The following GASK1A variants were observed in gnomAD, a reference collection of about 807,000 sequenced individuals.
The protein encoded by GASK1A is golgi associated kinase 1A, also known as Golgi-associated kinase 1A.
Under a neutral mutation model 41.2 loss-of-function variants are expected in GASK1A, and 40 were observed. The ratio of observed to expected loss-of-function variants is 0.97; its 90% CI spans 0.75 to 1.27. The LOEUF is 1.27. Among genes scored for constraint, GASK1A ranks in the 50% most tolerant of loss-of-function variants. The pLI, the probability that GASK1A is intolerant of heterozygous loss-of-function variation, is 0.00. For missense variants in GASK1A, 678 were observed against 745.1 expected (o/e 0.91, Z 1.05); for synonymous variants, 316 against 307.1 (o/e 1.03, Z -0.30).
intron 2 of GASK1A, among the ~76,000 whole-genome samples, chr3:43,040,970 C>T (rs559213387): frequency 2.7e-5 from 4 of 150,416 alleles, no homozygotes; most frequent in East Asian, 2.0e-4. Context: ...TGAGAATATG[C>T]GGTGTTTGGT....
chr3:43,037,148 T>A, intron 2 of GASK1A: 1 of 1,018,674 alleles, frequency 9.8e-7, no homozygotes, highest in South Asian at 1.4e-5. Flanking sequence ...AGGGCAGACC[T>A]CCTTATGCTG....
chr3:42,991,669 G>A (rs1261294385), intron 1 of GASK1A, among the ~76,000 whole-genome samples: 1 of 152,232 alleles, frequency 6.6e-6, no homozygotes, highest in African/African-American at 2.4e-5. Flanking sequence ...GCCCAGCGGA[G>A]GTGGAGGCTG....
intron 1 of GASK1A, among the ~76,000 whole-genome samples, chr3:43,030,473 T>A (rs998950774): frequency 2.8e-4 from 43 of 152,246 alleles, no homozygotes; most frequent in African/African-American, 9.6e-4. Context: ...CGGTGGCTAC[T>A]GCTGTTCCTG....
At chr3:43,036,722 T>TTA (rs2089606512) in intron 2 of GASK1A, among the ~76,000 whole-genome samples, 1 of 152,182 alleles carries the variant, frequency 6.6e-6, no homozygotes, top group Admixed American at 6.5e-5. Flanking sequence ...AACAGCCACG[T>TTA]TATGAACTGC....
intron 2 of GASK1A, among the ~76,000 whole-genome samples, chr3:43,036,028 C>T (rs2089602363): frequency 6.6e-6 from 1 of 152,202 alleles, no homozygotes; most frequent in Non-Finnish European, 1.5e-5. Flanking sequence ...CTCTGAGGCA[C>T]AGCTCCTTGC....
At chr3:43,022,188 G>C (rs1457357727) in intron 1 of GASK1A, among the ~76,000 whole-genome samples, 1 of 152,168 alleles carries the variant, frequency 6.6e-6, no homozygotes, top group Non-Finnish European at 1.5e-5. Context: ...TTATTATTCA[G>C]CTGAATATTT....
At chr3:43,031,231 G>T (rs1369830561) in intron 1 of GASK1A, among the ~76,000 whole-genome samples, 1 of 152,156 alleles carries the variant, frequency 6.6e-6, no homozygotes, top group South Asian at 2.1e-4. Flanking sequence ...CTGCCTGTAG[G>T]TCTGTCACAT....
At chr3:43,029,282 G>A (rs775738363) in intron 1 of GASK1A, among the ~76,000 whole-genome samples, 1 of 152,086 alleles carries the variant, frequency 6.6e-6, no homozygotes, top group Non-Finnish European at 1.5e-5. Context: ...TGTGTCTCCC[G>A]GTGGTGACTG....
chr3:43,025,822 T>C (rs749956066), intron 1 of GASK1A, among the ~76,000 whole-genome samples: 6 of 152,196 alleles, frequency 3.9e-5, no homozygotes, highest in Non-Finnish European at 7.3e-5. Context: ...ACTGCTGGTG[T>C]AAACACGGCA....
In GASK1A at chr3:43,047,031, T is replaced by C. The variant is rs186929447; in HGVS notation, c.1291-6490T>C. 2.4e-3 allele frequency among the ~76,000 whole-genome samples: 365 copies of C among 152,350 alleles called. 2 individuals are homozygous for C. Among genetic ancestry groups the C allele is most frequent in the Middle Eastern group, 0.01 (3 of 294 alleles). The stretch of plus-strand genomic sequence containing the variant: ...GTCTGCTGAAGGGGTGGAACCCTCA[T>C]GGAGAACCTTTGCTAGGGCAATGTG... On this transcript the variant is annotated intron_variant, in intron 2 of 4. Coordinates refer to ENST00000430121, the MANE Select transcript of GASK1A (RefSeq NM_001129908.3).
At chr3:43,021,804 C>G (rs1575444250) in intron 1 of GASK1A, among the ~76,000 whole-genome samples, 2 of 152,188 alleles carry the variant, frequency 1.3e-5, no homozygotes, top group African/African-American at 4.8e-5. Context: ...GTCTATTTCT[C>G]TAGCTACCCC....
At chr3:43,047,111 A>G (rs1046242468) in intron 2 of GASK1A, among the ~76,000 whole-genome samples, 3 of 152,224 alleles carry the variant, frequency 2.0e-5, no homozygotes, top group African/African-American at 7.2e-5. Context: ...GGGCTGCCTG[A>G]TGGAGCTGTG....
rs1466742182 is a variant in GASK1A at position 43,057,017 on chromosome 3, GTA to G, written c.*633_*634del. ...AGTCCCACAAACTCCCTAGCGGTGT[GTA>G]TGTGTGTGTGTGTTATTCATGGTCA... On this transcript the variant is annotated 3_prime_UTR_variant, in exon 5 of 5. Coordinates refer to ENST00000430121, the MANE Select transcript of GASK1A (RefSeq NM_001129908.3). The G allele has an allele frequency of 6.6e-6, 1 of 151,572 alleles. No homozygotes were observed. The highest frequency in any genetic ancestry group is 2.4e-5 in the African/African-American group (1 of 41,442). The allele number at this position is 151,572 out of a possible 1,614,324, so 9.4% of individuals were successfully genotyped here.
chr3:42,991,718 A>T (rs2089342046), intron 1 of GASK1A, among the ~76,000 whole-genome samples: 1 of 152,170 alleles, frequency 6.6e-6, no homozygotes, highest in African/African-American at 2.4e-5. Context: ...CGGCCAGTGA[A>T]TGGGACATTT....
intron 3 of GASK1A, chr3:43,054,301 G>A (rs560829276): frequency 1.3e-5 from 2 of 156,092 alleles, no homozygotes; most frequent in Non-Finnish European, 2.8e-5. Flanking sequence ...GCTTCAGGGA[G>A]GCCGCATCAC....
At chr3:43,044,013 G>A (rs1242060982) in intron 2 of GASK1A, among the ~76,000 whole-genome samples, 1 of 152,142 alleles carries the variant, frequency 6.6e-6, no homozygotes, top group Admixed American at 6.5e-5. Flanking sequence ...GTAGATTCTG[G>A]GAAGCCAGCA....
intron 1 of GASK1A, among the ~76,000 whole-genome samples, chr3:42,983,518 C>T (rs947236542): frequency 2.0e-5 from 3 of 152,120 alleles, no homozygotes; most frequent in East Asian, 3.9e-4. Context: ...TGCAGATGTT[C>T]GTCCAGTCTG....
At chr3:43,019,434 T>C (rs2089510202) in intron 1 of GASK1A, among the ~76,000 whole-genome samples, 1 of 152,210 alleles carries the variant, frequency 6.6e-6, no homozygotes, top group Admixed American at 6.5e-5. Flanking sequence ...GCCTGGGGTC[T>C]GACTTTGGGA....
At chr3:42,986,630 C>T (rs2089312315) in intron 1 of GASK1A, among the ~76,000 whole-genome samples, 1 of 147,282 alleles carries the variant, frequency 6.8e-6, no homozygotes, top group African/African-American at 2.5e-5. Flanking sequence ...GGGCTGGGGC[C>T]AGGGCCTGGC....
Sources: allele counts gnomAD v4.1 joint callset (sites outside exome capture counted in the v4.1 genomes callset), GRCh38; gene constraint gnomAD v4.1.1; transcripts MANE v1.5; gene names NCBI Gene and HGNC (gene_info 2026-07-23, HGNC 2026-07-21).